The following XYLT1 variants were observed in gnomAD, a reference collection of about 807,000 sequenced individuals.
XYLT1 encodes beta-D-xylosyltransferase 1.
XYLT1 carries 36 observed loss-of-function variants against 91.3 expected under a neutral mutation model. The ratio of observed to expected loss-of-function variants is 0.39; its 90% CI spans 0.30 to 0.52. The LOEUF (loss-of-function observed/expected upper bound fraction) is 0.52, where lower values mean the gene tolerates loss of function less well. XYLT1 is among the 20% of genes least tolerant of loss of function. The pLI is 0.68. For synonymous variants in XYLT1, 588 were observed against 532.0 expected (o/e 1.11, Z -1.45); for missense variants, 1,242 against 1,284.5 (o/e 0.97, Z 0.51).
chr16:17,172,704 C>T (rs2031853584), intron 5 of XYLT1, among the ~76,000 whole-genome samples: 1 of 152,126 alleles, frequency 6.6e-6, no homozygotes, highest in South Asian at 2.1e-4. Flanking sequence ...AACTCCTGAC[C>T]TCAGGTGATC....
intron 1 of XYLT1, among the ~76,000 whole-genome samples, chr16:17,383,546 A>T (rs1457997086): frequency 2.6e-5 from 4 of 151,854 alleles, no homozygotes; most frequent in African/African-American, 9.7e-5. Flanking sequence ...TGGCTCGGCA[A>T]CTGTTGACTT....
chr16:17,312,750 C>A lies in XYLT1; in HGVS notation c.402+45262G>T, dbSNP rs2034569512. On this transcript the variant is annotated intron_variant, in intron 2 of 11. Coordinates refer to ENST00000261381, the MANE Select transcript of XYLT1 (RefSeq NM_022166.4). This position sits in a 1 kb window ranked among gnomAD's most constrained non-coding sequence, Gnocchi z 4.4. ...GCAGATGGGAAAACTGAAGCACAGA[C>A]AGAATAAAGACAGAATAAAGTGACT... is the stretch of plus-strand genomic sequence containing the variant. Among the ~76,000 whole-genome samples, 3 of 152,184 alleles carry A rather than the reference C, an allele frequency of 2.0e-5. No homozygotes were observed. The South Asian group carries it at 6.2e-4, about 31-fold the overall frequency.
chr16:17,163,088 T>G (rs2031592788), intron 5 of XYLT1, among the ~76,000 whole-genome samples: 1 of 152,206 alleles, frequency 6.6e-6, no homozygotes, highest in South Asian at 2.1e-4. Flanking sequence ...CCTTGAACTG[T>G]GGAAAACAGT....
intron 3 of XYLT1, among the ~76,000 whole-genome samples, chr16:17,247,789 G>A (rs1159236067): frequency 6.6e-6 from 1 of 152,168 alleles, no homozygotes; most frequent in East Asian, 1.9e-4. Flanking sequence ...GAGGCACTGA[G>A]GATTTCCTTC....
At chr16:17,304,494 CA>C (rs1335597963) in intron 2 of XYLT1, among the ~76,000 whole-genome samples, 5 of 151,530 alleles carry the variant, frequency 3.3e-5, no homozygotes, top group African/African-American at 1.2e-4. Context: ...TTGGACCGCG[CA>C]GGGGAGGGTG....
rs1351586649 is a variant in XYLT1, at chr16:17,461,775, T to G, written c.363+8659A>C. Reference sequence around the variant, plus strand: ...CTGGGTAGACTGAGAACACAGCCTTTGGAGACACCACCCAACTTCAATTTC... The same window carrying G: ...CTGGGTAGACTGAGAACACAGCCTTGGGAGACACCACCCAACTTCAATTTC... On this transcript the variant is annotated intron_variant, in intron 1 of 11. Coordinates refer to ENST00000261381, the MANE Select transcript of XYLT1 (RefSeq NM_022166.4). Among the ~76,000 whole-genome samples the G allele has an allele frequency of 3.3e-5, 5 of 152,206 alleles. No individual in the cohort carries two copies. The East Asian group carries it at 9.6e-4, about 29-fold the overall frequency.
At chr16:17,212,624 C>T (rs2032780087) in intron 3 of XYLT1, among the ~76,000 whole-genome samples, 1 of 152,248 alleles carries the variant, frequency 6.6e-6, no homozygotes, top group South Asian at 2.1e-4. Context: ...TCTCCCTCCA[C>T]CCCCGACCAA....
intron 3 of XYLT1, among the ~76,000 whole-genome samples, chr16:17,210,080 G>C (rs1261507089): frequency 6.6e-6 from 1 of 151,986 alleles, no homozygotes; most frequent in African/African-American, 2.4e-5. Flanking sequence ...TATTTGTAGA[G>C]ACCAGGTCTC....
chr16:17,359,352 A>G (rs1041058795), intron 1 of XYLT1, among the ~76,000 whole-genome samples: 2 of 152,216 alleles, frequency 1.3e-5, no homozygotes, highest in Non-Finnish European at 2.9e-5. Flanking sequence ...AAGGAAATGC[A>G]GGGAAATTGG....
At chr16:17,407,122 C>T (rs1404523438) in intron 1 of XYLT1, among the ~76,000 whole-genome samples, 2 of 152,148 alleles carry the variant, frequency 1.3e-5, no homozygotes, top group Non-Finnish European at 2.9e-5. Flanking sequence ...CTGCCTCAGC[C>T]TCCCAAGTAG....
intron 1 of XYLT1, among the ~76,000 whole-genome samples, chr16:17,391,558 C>T (rs1380194128): frequency 6.6e-6 from 1 of 152,226 alleles, no homozygotes; most frequent in African/African-American, 2.4e-5. Flanking sequence ...AATAAACCCA[C>T]TGGGCAATTA....
intron 5 of XYLT1, among the ~76,000 whole-genome samples, chr16:17,184,482 T>C (rs1156745064): frequency 6.6e-6 from 1 of 152,190 alleles, no homozygotes; most frequent in Admixed American, 6.5e-5. Context: ...TAATTCTCTC[T>C]AGTGGAAGTG....
chr16:17,326,762 T>A (rs1400811032), intron 2 of XYLT1, among the ~76,000 whole-genome samples: 1 of 151,620 alleles, frequency 6.6e-6, no homozygotes, highest in Non-Finnish European at 1.5e-5. Context: ...GAGGCGGAGC[T>A]TGCAGTGAGC....
chr16:17,337,776 T>C (rs1567380997), intron 2 of XYLT1, among the ~76,000 whole-genome samples: 1 of 44,518 alleles, frequency 2.2e-5, no homozygotes, highest in Non-Finnish European at 4.8e-5. Flanking sequence ...ACATTTTTTC[T>C]TTTTCTTTTT....
chr16:17,454,805 G>A (rs1303298450), intron 1 of XYLT1, among the ~76,000 whole-genome samples: 1 of 150,766 alleles, frequency 6.6e-6, no homozygotes, highest in Non-Finnish European at 1.5e-5. Context: ...CCCACAAAGT[G>A]CTGGGATTAC....
intron 3 of XYLT1, among the ~76,000 whole-genome samples, chr16:17,241,975 G>A (rs549461389): frequency 1.1e-4 from 16 of 152,310 alleles, no homozygotes; most frequent in East Asian, 7.7e-4. Context: ...TGAAAGGCAC[G>A]TCCTACATGG....
chr16:17,349,144 C>T (rs2035185797), intron 2 of XYLT1, among the ~76,000 whole-genome samples: 1 of 152,216 alleles, frequency 6.6e-6, no homozygotes, highest in Admixed American at 6.5e-5. Context: ...GCAAACCGTG[C>T]CACAGCCTGG....
intron 2 of XYLT1, among the ~76,000 whole-genome samples, chr16:17,280,506 A>C (rs1305579166): frequency 6.6e-6 from 1 of 152,254 alleles, no homozygotes; most frequent in Non-Finnish European, 1.5e-5. Context: ...AAATAATTCA[A>C]AATGTATTAA....
At chr16:17,309,035 A>G (rs2034506540) in intron 2 of XYLT1, among the ~76,000 whole-genome samples, 1 of 152,208 alleles carries the variant, frequency 6.6e-6, no homozygotes, top group South Asian at 2.1e-4. Flanking sequence ...CGTCTAGCCC[A>G]GAGCCTAGCA....
Sources: gnomAD v4.1 joint callset for allele counts (sites outside exome capture counted in the v4.1 genomes callset) on GRCh38, gnomAD v4.1.1 for gene constraint, Gnocchi (gnomAD v3.1) non-coding constraint, MANE v1.5 for transcripts, NCBI Gene and HGNC (gene_info 2026-07-23, HGNC 2026-07-21) for gene names.